ITPR1: variants seen among roughly 807,000 people sequenced by gnomAD.
ITPR1 encodes the protein inositol 1,4,5-trisphosphate receptor type 1, also known as inositol 1,4,5-trisphosphate-gated calcium channel ITPR1.
ITPR1 carries 96 observed loss-of-function variants against 318.4 expected under a neutral mutation model. The ratio of observed to expected loss-of-function variants is 0.30; its 90% CI spans 0.26 to 0.36. The LOEUF is 0.36. ITPR1 is among the 10% of genes least tolerant of loss of function. The probability of loss-of-function intolerance (pLI) is 1.00; values close to 1 mark genes in which losing one functional copy is unlikely to be tolerated. For missense variants in ITPR1, 2,440 were observed against 3,460.2 expected, an observed-to-expected ratio of 0.71 and a Z score of 7.40; for synonymous variants, 1,312 against 1,289.9, an observed-to-expected ratio of 1.02 and a Z score of -0.37.
intron 40 of ITPR1, chr3:4,724,419 A>G (rs1468438399): frequency 1.3e-5 from 2 of 152,270 alleles, no homozygotes; most frequent in Admixed American, 6.5e-5. Context: ...AGTGTCACTC[A>G]TCTCATGCTT....
chr3:4,688,418 G>A lies in ITPR1; in HGVS notation c.3703-77G>A, dbSNP rs1293753792. 7.1e-6 allele frequency: 11 copies of A among 1,556,092 alleles called. No individual in the cohort carries two copies. The African/African-American group carries it at 1.4e-4, about 19-fold the overall frequency. ...CAAACACCTTCTGACTCCCACGTTAGCAGGAGGTGTTGGGTATAGGAGAAG... is the reference window on the plus strand; with the variant it reads ...CAAACACCTTCTGACTCCCACGTTAACAGGAGGTGTTGGGTATAGGAGAAG... On this transcript the variant is annotated intron_variant, in intron 30 of 61. Coordinates refer to ENST00000649015, the MANE Select transcript of ITPR1 (RefSeq NM_001378452.1).
At chr3:4,754,982 A>C (rs963926979) in intron 44 of ITPR1, among the ~76,000 whole-genome samples, 5 of 152,092 alleles carry the variant, frequency 3.3e-5, no homozygotes, top group African/African-American at 4.8e-5. Flanking sequence ...CATCTGTTTG[A>C]CTATTGAACC....
chr3:4,829,961 T>TGG (rs1159566723), intron 60 of ITPR1, among the ~76,000 whole-genome samples: 2 of 88,524 alleles, frequency 2.3e-5, no homozygotes, highest in South Asian at 9.2e-4. Flanking sequence ...ACAGTTTTTT[T>TGG]TTTTTTTTTT....
At chr3:4,560,467 A>C (rs2125015623) in intron 4 of ITPR1, among the ~76,000 whole-genome samples, 1 of 152,312 alleles carries the variant, frequency 6.6e-6, no homozygotes, top group East Asian at 1.9e-4. Flanking sequence ...TTTTTAAAGA[A>C]AGAAGGAAAA....
At chr3:4,564,338 C>G (rs2086998060) in intron 4 of ITPR1, among the ~76,000 whole-genome samples, 1 of 152,204 alleles carries the variant, frequency 6.6e-6, no homozygotes, top group Non-Finnish European at 1.5e-5. Flanking sequence ...CTTGGCTCTG[C>G]TGTATTTCTT....
intron 30 of ITPR1, among the ~76,000 whole-genome samples, chr3:4,686,021 G>A (rs935869917): frequency 6.6e-5 from 10 of 152,138 alleles, no homozygotes; most frequent in African/African-American, 2.4e-4. Flanking sequence ...GTGCTTGCAG[G>A]GTGCCAGGCG....
chr3:4,541,389 G>C (rs578144241), intron 4 of ITPR1, among the ~76,000 whole-genome samples: 1 of 152,030 alleles, frequency 6.6e-6, no homozygotes, highest in African/African-American at 2.4e-5. Context: ...GGTACTTTCT[G>C]TCAGCATCAT....
At chr3:4,731,603 C>T (rs969719599) in intron 42 of ITPR1, among the ~76,000 whole-genome samples, 1 of 152,154 alleles carries the variant, frequency 6.6e-6, no homozygotes, top group East Asian at 1.9e-4. Context: ...CCCTGTTTAT[C>T]CCATCCCAAT....
At chr3:4,700,986 C>T (rs565400638) in intron 35 of ITPR1, among the ~76,000 whole-genome samples, 2 of 152,306 alleles carry the variant, frequency 1.3e-5, no homozygotes, top group East Asian at 3.9e-4. Context: ...TACCTCCCAC[C>T]AGGTGTCTCC....
At chr3:4,792,936 G>C (rs1324231476) in intron 52 of ITPR1, among the ~76,000 whole-genome samples, 1 of 152,180 alleles carries the variant, frequency 6.6e-6, no homozygotes, top group African/African-American at 2.4e-5. Flanking sequence ...AGAGGCTGGA[G>C]AGTGCGGGGT....
chr3:4,548,049 A>G (rs974007090), intron 4 of ITPR1, among the ~76,000 whole-genome samples: 3 of 152,192 alleles, frequency 2.0e-5, no homozygotes, highest in South Asian at 2.1e-4. Context: ...CTTATTTGTC[A>G]GCACTTTGTC....
intron 44 of ITPR1, among the ~76,000 whole-genome samples, chr3:4,745,337 C>T (rs1029444918): frequency 3.9e-5 from 6 of 152,028 alleles, no homozygotes; most frequent in African/African-American, 7.3e-5. Context: ...AACACAGATT[C>T]GGGACGCAGA....
At chr3:4,694,884 T>C (rs1217620468) in intron 33 of ITPR1, among the ~76,000 whole-genome samples, 1 of 152,214 alleles carries the variant, frequency 6.6e-6, no homozygotes, top group African/African-American at 2.4e-5. Flanking sequence ...CCCACCACCC[T>C]ACAGAAAATA....
chr3:4,829,853 A>ACTCCCTCC (rs148669080), intron 60 of ITPR1, among the ~76,000 whole-genome samples: 2 of 130,118 alleles, frequency 1.5e-5, no homozygotes, highest in Non-Finnish European at 1.6e-5. Context: ...CCTATTTATC[A>ACTCCCTCC]CTCCCTCCCT....
At chr3:4,776,531 T>G (rs2046498280) in intron 47 of ITPR1, among the ~76,000 whole-genome samples, 1 of 152,184 alleles carries the variant, frequency 6.6e-6, no homozygotes, top group African/African-American at 2.4e-5. Context: ...GAGAGACAAC[T>G]CATTGTCTAT....
At chr3:4,788,502 T>C (rs2125406493) in intron 52 of ITPR1, among the ~76,000 whole-genome samples, 1 of 152,378 alleles carries the variant, frequency 6.6e-6, no homozygotes, top group South Asian at 2.1e-4. Context: ...AAATTCACAC[T>C]GCTTGCTGGC....
chr3:4,628,659 A>G (rs6774937), intron 5 of ITPR1, among the ~76,000 whole-genome samples: 5,221 of 152,108 alleles, frequency 0.034, 317 homozygotes, highest in African/African-American at 0.12. Context: ...TTTCTAATGT[A>G]TTTTGGTTAC....
intron 4 of ITPR1, among the ~76,000 whole-genome samples, chr3:4,535,140 G>C (rs1487741804): frequency 3.3e-5 from 5 of 151,872 alleles, no homozygotes; most frequent in East Asian, 1.9e-4. Context: ...TGATCTGGGC[G>C]GGGGGAGGGA....
intron 53 of ITPR1, 151 bp from the exon 54 acceptor site, chr3:4,800,274 G>A (rs1281534014): frequency 1.5e-6 from 1 of 672,472 alleles, no homozygotes; most frequent in African/African-American, 1.8e-5. Context: ...GATGGGACTG[G>A]TTATGGATGG....
Sources: allele counts gnomAD v4.1 joint callset (sites outside exome capture counted in the v4.1 genomes callset), GRCh38; gene constraint gnomAD v4.1.1; transcripts MANE v1.5; gene names NCBI Gene and HGNC (gene_info 2026-07-23, HGNC 2026-07-21).